The following CDH7 variants were observed in gnomAD, a reference collection of about 807,000 sequenced individuals.
The protein encoded by CDH7 is cadherin-7.
In CDH7, 25 loss-of-function variants were observed where a neutral mutation model predicts 71.8. The observed-to-expected ratio is 0.35, with a 90% CI of 0.25 to 0.49. The LOEUF is 0.49. Among genes scored for constraint, CDH7 ranks in the 20% least tolerant of loss-of-function variants. The pLI, the probability that CDH7 is intolerant of heterozygous loss-of-function variation, is 0.99. For synonymous variants in CDH7, 381 were observed against 363.8 expected (o/e 1.05, Z -0.54); for missense variants, 862 against 974.6 (o/e 0.88, Z 1.54).
At chr18:65,830,251 A>G (rs1463325381) in intron 6 of CDH7, among the ~76,000 whole-genome samples, 3 of 152,216 alleles carry the variant, frequency 2.0e-5, no homozygotes, top group African/African-American at 7.2e-5. Flanking sequence ...TGCTGTTGGT[A>G]AATAGGAATA....
At chr18:65,814,891 C>G (rs1599025382) in intron 4 of CDH7, among the ~76,000 whole-genome samples, 1 of 152,052 alleles carries the variant, frequency 6.6e-6, no homozygotes, top group Non-Finnish European at 1.5e-5. Flanking sequence ...TACCTCAGAG[C>G]TTTACCTGTG....
chr18:65,778,271 CAAAAAA>C (rs148841669), intron 2 of CDH7, among the ~76,000 whole-genome samples: 2 of 84,332 alleles, frequency 2.4e-5, no homozygotes, highest in African/African-American at 3.4e-5. Context: ...GACTCTGTCT[CAAAAAA>C]AAAAAAAAAA....
At position 65,824,799 on chromosome 18, in the gene CDH7, G is replaced by C. The variant is rs779511552; in HGVS notation, c.949G>C (p.Glu317Gln). The C allele has an allele frequency of 2.5e-6, 4 of 1,611,586 alleles. No homozygotes were observed. Among genetic ancestry groups the C allele is most frequent in the Middle Eastern group, 3.3e-4 (2 of 6,054 alleles). Residue 317 changes from glutamate (E) to glutamine (Q), a missense_variant, in exon 6 of 12, where the codon GAA (glutamate) becomes CAA (glutamine). Glu to Gln is a conservative substitution (Grantham distance 29, BLOSUM62 2). Transcript: ENST00000397968. ...CATTTTTAAGATTTCTGTTGACAAA[G>C]AAACCCAGGAAGGAATCATTACTAT... Reference protein sequence around the residue: ...LGIFKISVDKETQEGIITIQK... With the variant: ...LGIFKISVDKQTQEGIITIQK...
chr18:65,887,305 G>A lies in CDH7; in HGVS notation c.*6411G>A, dbSNP rs1027768320. 5 of 151,912 alleles carry A rather than the reference G, an allele frequency of 3.3e-5. No individual in the cohort carries two copies. Among genetic ancestry groups the A allele is most frequent in the Non-Finnish European group, 7.4e-5 (5 of 68,006 alleles). 9.4% of individuals were successfully genotyped at this position (151,912 alleles called of 1,614,324 possible). On this transcript the variant is annotated 3_prime_UTR_variant, in exon 12 of 12. Transcript: ENST00000397968. Reference sequence around the variant, plus strand: ...TTATACTTTAAGTTTTAGGGTACATGTGCACAATGTGCAGGTTAGTTACAT... The same window carrying A: ...TTATACTTTAAGTTTTAGGGTACATATGCACAATGTGCAGGTTAGTTACAT...
chr18:65,756,180 A>G (rs1916023316), intron 1 of CDH7, among the ~76,000 whole-genome samples: 1 of 152,168 alleles, frequency 6.6e-6, no homozygotes, highest in Non-Finnish European at 1.5e-5. Flanking sequence ...CCTTAAAGCA[A>G]TCTTGGAAAT....
chr18:65,779,257 CTTTTTTT>C (rs34051231), intron 2 of CDH7, among the ~76,000 whole-genome samples: 10 of 72,842 alleles, frequency 1.4e-4, no homozygotes, highest in South Asian at 7.1e-4. Context: ...AGAAAACATT[CTTTTTTT>C]TTTTTTTTTT....
At chr18:65,771,518 A>C (rs1332123758) in intron 2 of CDH7, among the ~76,000 whole-genome samples, 1 of 151,796 alleles carries the variant, frequency 6.6e-6, no homozygotes, top group East Asian at 1.9e-4. Context: ...ACAAACAAAC[A>C]AAAAATTAGC....
chr18:65,767,810 A>G (rs1418781204), intron 2 of CDH7, among the ~76,000 whole-genome samples: 1 of 152,232 alleles, frequency 6.6e-6, no homozygotes, highest in Non-Finnish European at 1.5e-5. Flanking sequence ...TTCAGCTCTT[A>G]TAATACTGCA....
chr18:65,791,300 C>T (rs1910705340), intron 2 of CDH7, among the ~76,000 whole-genome samples: 1 of 152,138 alleles, frequency 6.6e-6, no homozygotes, highest in African/African-American at 2.4e-5. Flanking sequence ...TTTTTACATA[C>T]AAATTAGTAG....
chr18:65,791,753 C>T (rs564629932), intron 2 of CDH7, among the ~76,000 whole-genome samples: 5 of 152,286 alleles, frequency 3.3e-5, no homozygotes, highest in African/African-American at 7.2e-5. Flanking sequence ...TGTAATCCTG[C>T]GATGCTCACT....
At chr18:65,838,915 C>A (rs1912629463) in intron 6 of CDH7, among the ~76,000 whole-genome samples, 1 of 152,186 alleles carries the variant, frequency 6.6e-6, no homozygotes, top group Non-Finnish European at 1.5e-5. Flanking sequence ...TGCTTATAAT[C>A]TAGCAGGAAA....
At chr18:65,851,598 A>G (rs1913153037) in intron 7 of CDH7, among the ~76,000 whole-genome samples, 1 of 152,244 alleles carries the variant, frequency 6.6e-6, no homozygotes, top group African/African-American at 2.4e-5. Context: ...TTTGTAACAG[A>G]TGTTCAGAAC....
chr18:65,880,568 C>A lies in CDH7; in HGVS notation c.2032C>A (p.Arg678=), dbSNP rs751425143. ...MAALRNLNVI[R]DTKTRRDVTP... ...TGCACTGAGAAACCTCAACGTCATC[C>A]GAGACACCAAGACCCGGAGGGATGT... Residue 678 remains arginine, a synonymous_variant, in exon 12 of 12, where the codon CGA becomes AGA. Transcript: ENST00000397968. The A allele has an allele frequency of 8.7e-6, 14 of 1,613,594 alleles. No homozygotes were observed. The highest frequency in any genetic ancestry group is 1.0e-5 in the Non-Finnish European group (12 of 1,179,900).
At chr18:65,754,464 T>G (rs1915976591) in intron 1 of CDH7, among the ~76,000 whole-genome samples, 1 of 152,170 alleles carries the variant, frequency 6.6e-6, no homozygotes, top group Non-Finnish European at 1.5e-5. Context: ...CCTCACTAAT[T>G]AAAATGTAAA....
intron 4 of CDH7, 96 bp from the exon 5 acceptor site, chr18:65,821,985 A>G (rs2143936786): frequency 1.1e-6 from 1 of 912,458 alleles, no homozygotes; most frequent in Non-Finnish European, 1.8e-6. Flanking sequence ...ACAAAAGGCA[A>G]CAACTCAAGA....
At chr18:65,831,904 C>T (rs1431250089) in intron 6 of CDH7, among the ~76,000 whole-genome samples, 1 of 152,034 alleles carries the variant, frequency 6.6e-6, no homozygotes, top group Admixed American at 6.5e-5. Context: ...GGACAGTCCA[C>T]CAAAACGAAC....
At chr18:65,840,314 T>C (rs944847711) in intron 6 of CDH7, among the ~76,000 whole-genome samples, 3 of 152,238 alleles carry the variant, frequency 2.0e-5, no homozygotes, top group Admixed American at 6.5e-5. Context: ...TCTGCTAGTC[T>C]GTATGTCCCC....
chr18:65,856,559 C>G (rs1913363749), intron 7 of CDH7, among the ~76,000 whole-genome samples: 1 of 151,924 alleles, frequency 6.6e-6, no homozygotes, highest in Admixed American at 6.6e-5. Context: ...AGGGTATGTT[C>G]ATAAGAATCC....
intron 10 of CDH7, 22 bp from the exon 11 acceptor site, chr18:65,862,644 A>G: frequency 6.2e-7 from 1 of 1,610,094 alleles, no homozygotes; most frequent in African/African-American, 1.3e-5. Flanking sequence ...CTGGTGTTAT[A>G]CATTTGCTTT....
Sources: allele counts gnomAD v4.1 joint callset (sites outside exome capture counted in the v4.1 genomes callset), GRCh38; gene constraint gnomAD v4.1.1; transcripts MANE v1.5; gene names NCBI Gene and HGNC (gene_info 2026-07-23, HGNC 2026-07-21).